Variants in NKAIN3 observed in about 807,000 individuals in gnomAD.
The protein encoded by NKAIN3 is sodium/potassium transporting ATPase interacting 3, also known as sodium/potassium-transporting ATPase subunit beta-1-interacting protein 3.
A neutral mutation model predicts 30.2 loss-of-function variants in NKAIN3; 25 were observed. The observed-to-expected ratio is 0.83, with a 90% CI of 0.60 to 1.16. NKAIN3 has a LOEUF of 1.16. NKAIN3 is among the 50% of genes most tolerant of loss of function. The pLI is 0.00. For missense variants in NKAIN3, 225 were observed against 254.1 expected, an observed-to-expected ratio of 0.89 and a Z score of 0.78; for synonymous variants, 91 against 89.6, an observed-to-expected ratio of 1.02 and a Z score of -0.09.
intron 1 of NKAIN3, among the ~76,000 whole-genome samples, chr8:62,330,004 T>A (rs1489615676): frequency 6.6e-6 from 1 of 151,848 alleles, no homozygotes; most frequent in Non-Finnish European, 1.5e-5. Flanking sequence ...AGCACCTAGA[T>A]GCAGCACCTA....
intron 4 of NKAIN3, among the ~76,000 whole-genome samples, chr8:62,851,593 T>G (rs1730267819): frequency 6.6e-6 from 1 of 152,182 alleles, no homozygotes; most frequent in South Asian, 2.1e-4. Context: ...GGCTGTGGGT[T>G]TGTCATAGAT....
At position 62,729,277 on chromosome 8, in the gene NKAIN3, C is replaced by T. The variant is rs146488729; in HGVS notation, c.274-17655C>T. ...AAAAAGCACATGATAATATGCTCCA[C>T]GTAACAGTTCATCACAGAAATACAA... On this transcript the variant is annotated intron_variant, in intron 3 of 6. Coordinates refer to ENST00000623646, the MANE Select transcript of NKAIN3 (RefSeq NM_001304533.3). 6.9e-3 allele frequency among the ~76,000 whole-genome samples: 1,053 copies of T among 152,126 alleles called. 9 individuals are homozygous for T. Among genetic ancestry groups the T allele is most frequent in the South Asian group, 0.03 (145 of 4,814 alleles).
chr8:62,706,704 A>T (rs1447072820), intron 3 of NKAIN3, among the ~76,000 whole-genome samples: 1 of 151,992 alleles, frequency 6.6e-6, no homozygotes, highest in African/African-American at 2.4e-5. Context: ...TTTTTCCATA[A>T]GTTATTGGGA....
intron 4 of NKAIN3, among the ~76,000 whole-genome samples, chr8:62,804,098 C>A (rs183487549): frequency 0.02 from 2,998 of 152,184 alleles, 96 homozygotes; most frequent in African/African-American, 0.068. Flanking sequence ...CAATAACAGG[C>A]TCTGAAATTG....
chr8:62,667,486 G>A (rs1813162410), intron 3 of NKAIN3, among the ~76,000 whole-genome samples: 1 of 150,984 alleles, frequency 6.6e-6, no homozygotes, highest in Non-Finnish European at 1.5e-5. Context: ...ACTCAGATTA[G>A]GAGTCATTCT....
In NKAIN3 at chr8:62,745,307, C is replaced by G. The variant is rs140451449; in HGVS notation, c.274-1625C>G. 3.1e-3 allele frequency among the ~76,000 whole-genome samples: 477 copies of G among 152,350 alleles called. 1 individual carries two copies. Among genetic ancestry groups the G allele is most frequent in the African/African-American group, 0.01 (419 of 41,580 alleles). ...CATAGTCTGCGGGCAGCCTCTGCAC[C>G]TCTCAGCAAAAGTCACGTACGGACC... On this transcript the variant is annotated intron_variant, in intron 3 of 6. Transcript: ENST00000623646.
intron 4 of NKAIN3, among the ~76,000 whole-genome samples, chr8:62,832,917 C>G (rs1363039208): frequency 6.6e-6 from 1 of 152,056 alleles, no homozygotes; most frequent in East Asian, 1.9e-4. Flanking sequence ...ACAAAACATA[C>G]TCCATAATAG....
Position 62,758,183 on chromosome 8 carries a change from C to G in NKAIN3, c.471+11054C>G, listed in dbSNP as rs1462101946. 5.9e-5 allele frequency among the ~76,000 whole-genome samples: 9 copies of G among 151,974 alleles called. No individual in the cohort carries two copies. In the East Asian group the frequency reaches 1.7e-3, roughly 29 times the overall value. ...CCTGAGAAACTTTGCTGTTAAAAAA[C>G]AAAACAAAAAAAACTCACGGAAAAC... On this transcript the variant is annotated intron_variant, in intron 4 of 6. Coordinates refer to ENST00000623646, the MANE Select transcript of NKAIN3 (RefSeq NM_001304533.3).
At chr8:62,740,142 T>C (rs1178648439) in intron 3 of NKAIN3, among the ~76,000 whole-genome samples, 6 of 152,170 alleles carry the variant, frequency 3.9e-5, no homozygotes, top group Admixed American at 3.9e-4. Context: ...TATGAAATAT[T>C]TAGTGTTTCA....
At chr8:62,964,493 G>C (rs1030703029) in intron 6 of NKAIN3, among the ~76,000 whole-genome samples, 2 of 151,704 alleles carry the variant, frequency 1.3e-5, no homozygotes, top group African/African-American at 4.8e-5. Flanking sequence ...ATGAGTCAGG[G>C]TTCTCCAGAG....
chr8:62,509,074 T>C (rs1807735104), intron 1 of NKAIN3, among the ~76,000 whole-genome samples: 2 of 152,070 alleles, frequency 1.3e-5, no homozygotes. Flanking sequence ...GAAGCAAAAA[T>C]ACCTACAACA....
chr8:62,786,777 G>A lies in NKAIN3; in HGVS notation c.471+39648G>A, dbSNP rs147131643. 5.1e-3 allele frequency among the ~76,000 whole-genome samples: 776 copies of A among 152,320 alleles called. 6 individuals are homozygous for A. The highest frequency in any genetic ancestry group is 0.017 in the African/African-American group (696 of 41,578). On this transcript the variant is annotated intron_variant, in intron 4 of 6. Transcript: ENST00000623646. The stretch of plus-strand genomic sequence containing the variant: ...GAGAAAGGTCTGTAACATGCATGGT[G>A]TCAGTAAAGTAGGAAACCCTGATGA...
intron 4 of NKAIN3, among the ~76,000 whole-genome samples, chr8:62,817,050 G>C (rs1032961265): frequency 6.6e-6 from 1 of 152,096 alleles, no homozygotes; most frequent in Non-Finnish European, 1.5e-5. Context: ...CATTCTCCCA[G>C]CCAGGTGCTT....
At chr8:62,595,719 T>G (rs1810807828) in intron 3 of NKAIN3, among the ~76,000 whole-genome samples, 1 of 151,988 alleles carries the variant, frequency 6.6e-6, no homozygotes, top group Non-Finnish European at 1.5e-5. Flanking sequence ...GTTGGGGACG[T>G]TGGCCGACAA....
In NKAIN3 at chr8:62,497,367, A is replaced by G. The variant is rs575636599; in HGVS notation, c.55-82172A>G. On this transcript the variant is annotated intron_variant, in intron 1 of 6. Transcript: ENST00000623646. Reference sequence around the variant, plus strand: ...ATATACTGTCTTATCAGTAGAAACAATGATACTTGAAGCAATGTCCTGTGG... The same window carrying G: ...ATATACTGTCTTATCAGTAGAAACAGTGATACTTGAAGCAATGTCCTGTGG... Among the ~76,000 whole-genome samples the G allele has an allele frequency of 7.9e-5, 12 of 152,240 alleles. No individual in the cohort carries two copies. The East Asian group carries it at 2.1e-3, about 27-fold the overall frequency.
chr8:62,660,952 C>A (rs984520508), intron 3 of NKAIN3, among the ~76,000 whole-genome samples: 1 of 152,164 alleles, frequency 6.6e-6, no homozygotes, highest in Non-Finnish European at 1.5e-5. Context: ...GTAGCCTTTC[C>A]CCACCTTATT....
At chr8:62,820,018 A>G (rs1339243017) in intron 4 of NKAIN3, among the ~76,000 whole-genome samples, 1 of 152,132 alleles carries the variant, frequency 6.6e-6, no homozygotes, top group African/African-American at 2.4e-5. Context: ...ATGTTGAAAT[A>G]TTGACTGGAA....
At chr8:62,733,995 T>G (rs1815566340) in intron 3 of NKAIN3, among the ~76,000 whole-genome samples, 1 of 152,228 alleles carries the variant, frequency 6.6e-6, no homozygotes, top group Non-Finnish European at 1.5e-5. Flanking sequence ...TATGAACATT[T>G]TAAGGGCTGG....
At chr8:62,347,082 C>T (rs1324393609) in intron 1 of NKAIN3, among the ~76,000 whole-genome samples, 1 of 152,092 alleles carries the variant, frequency 6.6e-6, no homozygotes, top group Non-Finnish European at 1.5e-5. Context: ...GTGATGCTTT[C>T]CCATACAAAC....
Sources: allele counts gnomAD v4.1 joint callset (sites outside exome capture counted in the v4.1 genomes callset), GRCh38; gene constraint gnomAD v4.1.1; transcripts MANE v1.5; gene names NCBI Gene and HGNC (gene_info 2026-07-23, HGNC 2026-07-21).